The following ZNF619 variants were observed in gnomAD, a reference collection of about 807,000 sequenced individuals.
The protein encoded by ZNF619 is zinc finger protein 619.
Under a neutral mutation model 14.2 loss-of-function variants are expected in ZNF619, and 9 were observed. The ratio of observed to expected loss-of-function variants is 0.64; its 90% CI spans 0.38 to 1.11. The LOEUF is 1.11. Ranked by LOEUF, ZNF619 falls within the 50% of genes least tolerant of loss-of-function variation. The pLI, the probability that ZNF619 is intolerant of heterozygous loss-of-function variation, is 0.01. For missense variants in ZNF619, 659 were observed against 680.1 expected (o/e 0.97, Z 0.34); for synonymous variants, 246 against 252.8 (o/e 0.97, Z 0.26).
At chr3:40,483,015 G>C (rs994391749) in intron 4 of ZNF619, among the ~76,000 whole-genome samples, 1 of 152,142 alleles carries the variant, frequency 6.6e-6, no homozygotes, top group African/African-American at 2.4e-5. Context: ...TTCAAGACCA[G>C]CCCGAACAAC....
At chr3:40,481,809 C>T in intron 2 of ZNF619, 54 bp from the exon 3 acceptor site, 1 of 1,557,916 alleles carries the variant, frequency 6.4e-7, no homozygotes, top group East Asian at 2.2e-5. Flanking sequence ...CCATGGATTC[C>T]AGTAAATTTA....
At chr3:40,480,872 C>T (rs751574343) in intron 2 of ZNF619, among the ~76,000 whole-genome samples, 2 of 152,108 alleles carry the variant, frequency 1.3e-5, no homozygotes, top group Non-Finnish European at 2.9e-5. Flanking sequence ...AGGTTGTTGA[C>T]ATGATGAATT....
Position 40,488,651 on chromosome 3 carries a change from CT to C in ZNF619, c.*422del, listed in dbSNP as rs879692096. ...AGTGTCCAATGATTGCTTTCAAGAG[CT>C]TTTTTTTTTTTAGGGGGTGGGGGGT... On this transcript the variant is annotated 3_prime_UTR_variant, in exon 5 of 5. Transcript: ENST00000432264. 732 of 143,574 alleles carry C rather than the reference CT, an allele frequency of 5.1e-3. No homozygotes were observed. The highest frequency in any genetic ancestry group is 7.6e-3 in the Admixed American group (108 of 14,184). 8.9% of individuals were successfully genotyped at this position (143,574 alleles called of 1,614,324 possible).
rs547964783 is a variant in ZNF619, at chr3:40,487,696, G to A, written c.1186G>A (p.Gly396Arg). 1.2e-6 allele frequency: 2 copies of A among 1,614,044 alleles called. No homozygotes were observed. The highest frequency in any genetic ancestry group is 2.2e-5 in the South Asian group (2 of 91,082). Reference sequence around the variant, plus strand: ...TCTTCAGCACCAGAGGTTCCACACTGGGGAACAACTCTACAAATGTAATGA... The same window carrying A: ...TCTTCAGCACCAGAGGTTCCACACTAGGGAACAACTCTACAAATGTAATGA... ...VFLQHQRFHT[G>R]EQLYKCNECW... is the part of the protein sequence containing the mutation. The change falls in exon 5 of 5, where the codon GGG becomes AGG. Residue 396 changes from glycine (G) to arginine (R), a missense_variant. By Grantham distance (125) the Gly-to-Arg change is moderately radical. Coordinates refer to ENST00000432264, the MANE Select transcript of ZNF619 (RefSeq NM_001145093.4).
In ZNF619 at chr3:40,482,299, T is replaced by G; in HGVS notation, c.178+283T>G. On this transcript the variant is annotated intron_variant, in intron 3 of 4. Coordinates refer to ENST00000432264, the MANE Select transcript of ZNF619 (RefSeq NM_001145093.4). ...AAGGTTCCTGGTGCACTGTCTTCATTCCTTCCATCTTCCAGTTCCCTGGAG... is the reference window on the plus strand; with the variant it reads ...AAGGTTCCTGGTGCACTGTCTTCATGCCTTCCATCTTCCAGTTCCCTGGAG... The G allele has an allele frequency of 6.4e-7, 1 of 1,552,196 alleles. No individual in the cohort carries two copies.
Position 40,488,010 on chromosome 3 carries a change from C to A in ZNF619, c.1500C>A (p.Ile500=). 1 of 1,614,172 alleles carries A rather than the reference C, an allele frequency of 6.2e-7. No individual in the cohort carries two copies. The highest frequency in any genetic ancestry group is 8.5e-7 in the Non-Finnish European group (1 of 1,180,008). Residue 500 remains isoleucine (I), a synonymous_variant, in exon 5 of 5, where the codon ATC becomes ATA. Transcript: ENST00000432264. ...TTAAGCCCTACTGTCCCTGCGCCAT[C>A]CTCTCTCCTCTGCCTCCCCAACATA... ...SAVKPYCPCA[I]LSPLPPQHTC... is the part of the protein sequence containing the mutation.
chr3:40,478,006 G>A lies in ZNF619; in HGVS notation c.24+3G>A. ...TGCTCCAGACAGTGTGGTTCCAGGT[G>A]AGCAGAGCTTTCTTTCAGCTTTCCA... On this transcript the variant is annotated splice_donor_region_variant and intron_variant, in intron 2 of 4. Coordinates refer to ENST00000432264, the MANE Select transcript of ZNF619 (RefSeq NM_001145093.4). The A allele has an allele frequency of 6.4e-7, 1 of 1,553,278 alleles. No homozygotes were observed. Among genetic ancestry groups the A allele is most frequent in the Non-Finnish European group, 8.7e-7 (1 of 1,147,630 alleles).
intron 1 of ZNF619, 72 bp from the exon 2 acceptor site, chr3:40,477,846 C>A: frequency 1.3e-6 from 1 of 760,308 alleles, no homozygotes. Context: ...ATGCTAGTGG[C>A]AGGAGACAGA....
intron 2 of ZNF619, 78 bp from the exon 3 acceptor site, chr3:40,481,785 C>T: frequency 1.3e-6 from 2 of 1,526,772 alleles, no homozygotes; most frequent in African/African-American, 1.4e-5. Flanking sequence ...ACAAACCTTC[C>T]ATGGGGCTCA....
intron 2 of ZNF619, among the ~76,000 whole-genome samples, chr3:40,479,467 A>G (rs1364916693): frequency 2.0e-5 from 3 of 152,356 alleles, no homozygotes; most frequent in Non-Finnish European, 4.4e-5. Context: ...GCTGAGATTT[A>G]GATGATATCA....
chr3:40,485,691 T>G (rs1017482609), intron 4 of ZNF619, among the ~76,000 whole-genome samples: 3 of 152,118 alleles, frequency 2.0e-5, no homozygotes, highest in African/African-American at 7.2e-5. Context: ...CTGTATTGTT[T>G]TAGGATCCAA....
At chr3:40,481,523 G>A (rs369439778) in intron 2 of ZNF619, among the ~76,000 whole-genome samples, 28 of 152,282 alleles carry the variant, frequency 1.8e-4, no homozygotes, top group South Asian at 6.2e-4. Context: ...GCCCTGATAC[G>A]TGCTTCAGGA....
At position 40,490,896 on chromosome 3, in the gene ZNF619, G is replaced by A. The variant is rs1364770309; in HGVS notation, c.*2655G>A. 2.6e-5 allele frequency among the ~76,000 whole-genome samples: 4 copies of A among 152,126 alleles called. No homozygotes were observed. The highest frequency in any genetic ancestry group is 5.9e-5 in the Non-Finnish European group (4 of 68,034). ...GATGGGACTGATGGCTTTATAAGAA[G>A]AGGAAGGGAGACCTGAGCTGACATG... On this transcript the variant is annotated 3_prime_UTR_variant, in exon 5 of 5. Transcript: ENST00000432264.
At chr3:40,482,782 T>C (rs112443489) in intron 4 of ZNF619, 78 bp downstream of exon 4, 325 of 1,135,114 alleles carry the variant, frequency 2.9e-4, no homozygotes, top group Non-Finnish European at 3.8e-4. Context: ...GAAAAAGGTT[T>C]TTCCTTGTCA....
chr3:40,481,617 C>A (rs1697394381), intron 2 of ZNF619, among the ~76,000 whole-genome samples: 1 of 152,128 alleles, frequency 6.6e-6, no homozygotes, highest in Admixed American at 6.5e-5. Context: ...CCTGTGGAAC[C>A]AGACATGGGT....
Position 40,487,808 on chromosome 3 carries a change from G to T in ZNF619, c.1298G>T (p.Cys433Phe), listed in dbSNP as rs750065883. 11 of 1,614,098 alleles carry T rather than the reference G, an allele frequency of 6.8e-6. No homozygotes were observed. The South Asian group carries it at 1.1e-4, about 16-fold the overall frequency. ...GAGAAACCCTATGAATGCCAGGAAT[G>T]TGGGAAGACATTCAGTCAAAAGATC... ...NGEKPYECQE[C>F]GKTFSQKITL... is the part of the protein sequence containing the mutation. Residue 433 changes from cysteine (C) to phenylalanine (F), a missense_variant, in exon 5 of 5, where the codon TGT becomes TTT. By Grantham distance (205) the Cys-to-Phe change is radical (BLOSUM62 -2). Transcript: ENST00000432264.
At chr3:40,477,867 C>A in intron 1 of ZNF619, 51 bp from the exon 2 acceptor site, 1 of 990,548 alleles carries the variant, frequency 1.0e-6, no homozygotes, top group Non-Finnish European at 1.5e-6. Context: ...GGGGAAGAGG[C>A]GGCAAGTGTA....
chr3:40,484,370 C>G (rs936467848), intron 4 of ZNF619, among the ~76,000 whole-genome samples: 2 of 152,066 alleles, frequency 1.3e-5, no homozygotes, highest in African/African-American at 4.8e-5. Context: ...GAATGGTTTT[C>G]TTTTTTGAAA....
At chr3:40,482,072 C>G (rs1055754517) in intron 3 of ZNF619, 56 bp downstream of exon 3, 3 of 1,557,176 alleles carry the variant, frequency 1.9e-6, no homozygotes, top group African/African-American at 2.7e-5. Context: ...CTCCTAGATT[C>G]CTCCTTAGCA....
Sources: gnomAD v4.1 joint callset for allele counts (sites outside exome capture counted in the v4.1 genomes callset) on GRCh38, gnomAD v4.1.1 for gene constraint, MANE v1.5 for transcripts, NCBI Gene and HGNC (gene_info 2026-07-23, HGNC 2026-07-21) for gene names.